The following ZKSCAN2 variants were observed in gnomAD, a reference collection of about 807,000 sequenced individuals.
ZKSCAN2 encodes the protein zinc finger protein with KRAB and SCAN domains 2.
Under a neutral mutation model 90.5 loss-of-function variants are expected in ZKSCAN2, and 38 were observed. That is an observed-to-expected ratio of 0.42 (90% CI 0.32 to 0.55). The LOEUF is 0.55. Ranked by LOEUF, ZKSCAN2 falls within the 20% of genes least tolerant of loss-of-function variation. The probability of loss-of-function intolerance (pLI) is 0.11; values close to 1 mark genes in which losing one functional copy is unlikely to be tolerated. For missense variants in ZKSCAN2, 1,167 were observed against 1,202.6 expected (o/e 0.97, Z 0.44); for synonymous variants, 429 against 421.6 (o/e 1.02, Z -0.22).
At chr16:25,251,362 A>G (rs1274881002) in intron 4 of ZKSCAN2, among the ~76,000 whole-genome samples, 1 of 152,184 alleles carries the variant, frequency 6.6e-6, no homozygotes, top group Non-Finnish European at 1.5e-5. Context: ...TTCACATTTG[A>G]AAATTATTGG....
At chr16:25,250,137 C>T (rs544713881) in intron 4 of ZKSCAN2, among the ~76,000 whole-genome samples, 2 of 152,146 alleles carry the variant, frequency 1.3e-5, no homozygotes, top group Admixed American at 6.5e-5. Flanking sequence ...GGTGAAACCC[C>T]GTCTCTACTA....
intron 2 of ZKSCAN2, 113 bp downstream of exon 2, chr16:25,255,093 C>T (rs1963078186): frequency 9.2e-7 from 1 of 1,091,164 alleles, no homozygotes; most frequent in African/African-American, 1.6e-5. Flanking sequence ...AAACCTTTCT[C>T]CTATTCTGAA....
At chr16:25,246,293 A>C (rs1962932654) in intron 5 of ZKSCAN2, 1 of 160,264 alleles carries the variant, frequency 6.2e-6, no homozygotes, top group African/African-American at 2.4e-5. Flanking sequence ...TTTAATGAAA[A>C]CCTGTTGAAA....
At position 25,252,784 on chromosome 16, in the gene ZKSCAN2, A is replaced by T. The variant is rs571644927; in HGVS notation, c.678+162T>A. On this transcript the variant is annotated intron_variant, in intron 3 of 6. Transcript: ENST00000328086. The stretch of plus-strand genomic sequence containing the variant: ...CTAAAACTTAGCCAGGTGTGGTGGC[A>T]TGCACCTGTGGTCCCAGCTACTCAG... Among the ~76,000 whole-genome samples the T allele has an allele frequency of 3.9e-5, 6 of 152,162 alleles. No homozygotes were observed. In the South Asian group the frequency reaches 1.0e-3, roughly 26 times the overall value.
chr16:25,237,867 A>G lies in ZKSCAN2; in HGVS notation c.*1949T>C, dbSNP rs1962793886. ...CTAGAGCTGGAATTCCAGAACATCT[A>G]CACAATATAAACACAAGCCCACTGG... On this transcript the variant is annotated 3_prime_UTR_variant, in exon 7 of 7. Coordinates refer to ENST00000328086, the MANE Select transcript of ZKSCAN2 (RefSeq NM_001012981.5). 1 of 152,282 alleles carries G rather than the reference A, an allele frequency of 6.6e-6. No homozygotes were observed. Among genetic ancestry groups the G allele is most frequent in the Admixed American group, 6.5e-5 (1 of 15,290 alleles). The allele number at this position is 152,282 out of a possible 1,614,324, so 9.4% of individuals were successfully genotyped here.
chr16:25,240,338 T>C lies in ZKSCAN2; in HGVS notation c.2382A>G (p.Gln794=). 6.2e-7 allele frequency: 1 copy of C among 1,614,106 alleles called. No individual in the cohort carries two copies. The highest frequency in any genetic ancestry group is 1.3e-5 in the African/African-American group (1 of 75,050). ...FGRSRSLIRH[Q]RIHTGEKPFK... Reference sequence around the variant, plus strand: ...AAGGTTTTTCGCCTGTGTGGATTCTTTGGTGTCTGATCAGGCTCCTGCTTC... The same window carrying C: ...AAGGTTTTTCGCCTGTGTGGATTCTCTGGTGTCTGATCAGGCTCCTGCTTC... Residue 794 remains glutamine, a synonymous_variant, in exon 7 of 7, where the codon CAA becomes CAG. Transcript: ENST00000328086.
rs370465751 is a variant in ZKSCAN2, at chr16:25,246,843, G to A, written c.1353C>T (p.Ala451=). 10 of 1,614,068 alleles carry A rather than the reference G, an allele frequency of 6.2e-6. No individual in the cohort carries two copies. The highest frequency in any genetic ancestry group is 3.3e-5 in the Admixed American group (2 of 59,998). The change falls in exon 5 of 7, where the codon GCC becomes GCT. Residue 451 remains alanine (A), a synonymous_variant. Coordinates refer to ENST00000328086, the MANE Select transcript of ZKSCAN2 (RefSeq NM_001012981.5). ...AGCTGATGTGTTCCTTAGCACTGAT[G>A]GCAATTCTCTTCAGTCTGGGGACAG... ...MIPVPRLKRI[A]ISAKEHISLV...
chr16:25,246,741 G>A lies in ZKSCAN2; in HGVS notation c.1455C>T (p.Ile485=), dbSNP rs1252362442. The A allele has an allele frequency of 6.2e-7, 1 of 1,614,184 alleles. No individual in the cohort carries two copies. The highest frequency in any genetic ancestry group is 1.1e-5 in the South Asian group (1 of 91,082). Residue 485 remains isoleucine, a synonymous_variant, in exon 5 of 7, where the codon ATC becomes ATT. Transcript: ENST00000328086. ...TCTGAAACAAGACAGGGGCACCATG[G>A]ATTTCAGACTTGCGGATAAATTCGA... is the stretch of plus-strand genomic sequence containing the variant. The part of the protein sequence containing the change: ...IGIEFIRKSE[I]HGAPVLFQNL...
Position 25,246,828 on chromosome 16 carries a change from T to C in ZKSCAN2, c.1368A>G (p.Glu456=). ...CCTCCTCCTCCACCAAGCTGATGTG[T>C]TCCTTAGCACTGATGGCAATTCTCT... ...RLKRIAISAK[E]HISLVEEEEA... Residue 456 remains glutamate, a synonymous_variant, in exon 5 of 7, where the codon GAA becomes GAG. Transcript: ENST00000328086. The C allele has an allele frequency of 6.2e-7, 1 of 1,614,220 alleles. No homozygotes were observed. Among genetic ancestry groups the C allele is most frequent in the Non-Finnish European group, 8.5e-7 (1 of 1,180,024 alleles).
At chr16:25,255,903 A>G (rs2141372606) in intron 1 of ZKSCAN2, among the ~76,000 whole-genome samples, 1 of 152,270 alleles carries the variant, frequency 6.6e-6, no homozygotes, top group South Asian at 2.1e-4. Context: ...TTAATACTAA[A>G]CAGAGAAGGA....
Position 25,239,721 on chromosome 16 carries a change from T to C in ZKSCAN2, c.*95A>G, listed in dbSNP as rs1184042835. The stretch of plus-strand genomic sequence containing the variant: ...GTTTATTTATATTCTCAAGTTTATC[T>C]TGGAAATTACACTTCATAGCTAAGA... On this transcript the variant is annotated 3_prime_UTR_variant, in exon 7 of 7. Transcript: ENST00000328086. 2.4e-5 allele frequency: 27 copies of C among 1,129,996 alleles called. No homozygotes were observed. The highest frequency in any genetic ancestry group is 1.4e-4 in the Admixed American group (6 of 42,522). The allele number at this position is 1,129,996 out of a possible 1,614,324, so 70.0% of individuals were successfully genotyped here.
intron 2 of ZKSCAN2, among the ~76,000 whole-genome samples, chr16:25,253,825 T>A (rs1422266518): frequency 6.6e-6 from 1 of 152,092 alleles, no homozygotes; most frequent in African/African-American, 2.4e-5. Context: ...CTGGTCAACA[T>A]GGTGAAACCC....
In ZKSCAN2 at chr16:25,246,904, C is replaced by G; in HGVS notation, c.1292G>C (p.Arg431Pro). The G allele has an allele frequency of 6.2e-7, 1 of 1,614,182 alleles. No homozygotes were observed. Among genetic ancestry groups the G allele is most frequent in the South Asian group, 1.1e-5 (1 of 91,086 alleles). ...CTTTGGTTTATCAGTGGACGGAGCA[C>G]GGGCTGCAGGGTTCAACAAAGCATC... ...DMDALLNPAA[R>P]APSTDKPKEM... Residue 431 changes from arginine (R) to proline (P), a missense_variant, in exon 5 of 7, where the codon CGT becomes CCT. Physicochemically the swap from Arg to Pro is moderately radical, Grantham distance 103. Coordinates refer to ENST00000328086, the MANE Select transcript of ZKSCAN2 (RefSeq NM_001012981.5).
intron 5 of ZKSCAN2, among the ~76,000 whole-genome samples, chr16:25,245,770 G>A (rs1309960691): frequency 3.5e-5 from 5 of 141,380 alleles, no homozygotes; most frequent in East Asian, 2.1e-4. Context: ...ACACCGTCTC[G>A]GAAAAAAAAA....
intron 1 of ZKSCAN2, among the ~76,000 whole-genome samples, 191 bp from the exon 2 acceptor site, chr16:25,255,583 C>G (rs1253733365): frequency 6.6e-6 from 1 of 152,124 alleles, no homozygotes; most frequent in East Asian, 1.9e-4. Context: ...GGTAACAGAA[C>G]AGTGTTCTTT....
chr16:25,240,768 A>G (rs1394808298), intron 6 of ZKSCAN2, 30 bp from the exon 7 acceptor site: 1 of 1,589,358 alleles, frequency 6.3e-7, no homozygotes, highest in East Asian at 2.2e-5. Context: ...TACAAATTTT[A>G]TACAAGTCTG....
In ZKSCAN2 at chr16:25,240,383, G is replaced by A. The variant is rs866581368; in HGVS notation, c.2337C>T (p.Val779=). The A allele has an allele frequency of 6.2e-7, 1 of 1,614,150 alleles. No individual in the cohort carries two copies. Among genetic ancestry groups the A allele is most frequent in the Middle Eastern group, 1.7e-4 (1 of 6,058 alleles). Residue 779 remains valine, a synonymous_variant, in exon 7 of 7, where the codon GTC becomes GTT. Coordinates refer to ENST00000328086, the MANE Select transcript of ZKSCAN2 (RefSeq NM_001012981.5). Reference sequence around the variant, plus strand: ...TGCTTCTACCAAAGCACTTCCCACAGACACCACACTTGTAAGGATTCTCCT... The same window carrying A: ...TGCTTCTACCAAAGCACTTCCCACAAACACCACACTTGTAAGGATTCTCCT... ...HHKENPYKCG[V]CGKCFGRSRS...
chr16:25,242,252 A>T (rs978486938), intron 6 of ZKSCAN2, among the ~76,000 whole-genome samples: 1 of 152,192 alleles, frequency 6.6e-6, no homozygotes, highest in East Asian at 1.9e-4. Context: ...TGGCTCAGAG[A>T]AAGCTTGATA....
chr16:25,257,177 A>C lies in ZKSCAN2; in HGVS notation c.-50T>G, dbSNP rs980486998. The C allele has an allele frequency of 1.3e-6, 2 of 1,531,348 alleles. No homozygotes were observed. The highest frequency in any genetic ancestry group is 1.7e-6 in the Non-Finnish European group (2 of 1,143,266). 94.9% of individuals were successfully genotyped at this position (1,531,348 alleles called of 1,614,324 possible). The stretch of plus-strand genomic sequence containing the variant: ...CGTCTAGCTCAAGGTGGGGACCCAA[A>C]GAAGACTCCAAGCGCTCCCTGCTTA... On this transcript the variant is annotated 5_prime_UTR_variant, in exon 1 of 7. Coordinates refer to ENST00000328086, the MANE Select transcript of ZKSCAN2 (RefSeq NM_001012981.5).
Sources: gnomAD v4.1 joint callset for allele counts (sites outside exome capture counted in the v4.1 genomes callset) on GRCh38, gnomAD v4.1.1 for gene constraint, MANE v1.5 for transcripts, NCBI Gene and HGNC (gene_info 2026-07-23, HGNC 2026-07-21) for gene names.